EMX1: variants seen among roughly 807,000 people sequenced by gnomAD.
EMX1 encodes homeobox protein EMX1.
In EMX1, 10 loss-of-function variants were observed where a neutral mutation model predicts 20.1. The observed-to-expected ratio is 0.50, with a 90% confidence interval of 0.31 to 0.84. EMX1 has a LOEUF of 0.84. Ranked by LOEUF, EMX1 falls within the 40% of genes least tolerant of loss-of-function variation. EMX1 has a pLI of 0.05. For missense variants in EMX1, 424 were observed against 431.9 expected (o/e 0.98, Z 0.16); for synonymous variants, 250 against 200.4 (o/e 1.25, Z -2.09).
rs576764135 is a variant in EMX1, at chr2:72,924,586, C to G, written c.705+93C>G. On this transcript the variant is annotated intron_variant, in intron 2 of 2. Transcript: ENST00000258106. ...AGGAGAGGCCCTGAGCCCGCCCCAG[C>G]CCAGCCCTGCTGGGTTCCAAAAGGC... is the stretch of plus-strand genomic sequence containing the variant. The G allele has an allele frequency of 8.1e-5, 114 of 1,400,700 alleles. No homozygotes were observed. The African/African-American group carries it at 1.5e-3, about 18-fold the overall frequency. The allele number at this position is 1,400,700 out of a possible 1,614,324, so 86.8% of individuals were successfully genotyped here.
At position 72,930,342 on chromosome 2, in the gene EMX1, G is replaced by A. The variant is rs1559061484; in HGVS notation, c.706-3445G>A. Among the ~76,000 whole-genome samples, 1 of 152,236 alleles carries A rather than the reference G, an allele frequency of 6.6e-6. No individual in the cohort carries two copies. The highest frequency in any genetic ancestry group is 1.5e-5 in the Non-Finnish European group (1 of 68,048). Reference sequence around the variant, plus strand: ...AAGAGGTACTAAGGAACTACAGGCAGGTGATGGGGCAGGACCATTAAGGAA... The same window carrying A: ...AAGAGGTACTAAGGAACTACAGGCAAGTGATGGGGCAGGACCATTAAGGAA... On this transcript the variant is annotated intron_variant, in intron 2 of 2. Coordinates refer to ENST00000258106, the MANE Select transcript of EMX1 (RefSeq NM_004097.3). This position sits in a 1 kb window ranked among gnomAD's most constrained non-coding sequence, Gnocchi z 4.4.
At chr2:72,920,470 G>A in intron 1 of EMX1, among the ~76,000 whole-genome samples, 1 of 152,318 alleles carries the variant, frequency 6.6e-6, no homozygotes, top group South Asian at 2.1e-4. Flanking sequence ...CATCGTCGCC[G>A]CTGCAGACGG....
At chr2:72,933,651 C>T (rs1671318983) in intron 2 of EMX1, 136 bp from the exon 3 acceptor site, 1 of 1,169,474 alleles carries the variant, frequency 8.6e-7, no homozygotes, top group African/African-American at 1.6e-5. Flanking sequence ...AGAGGGGACC[C>T]CGGCCTGGGG....
rs1553501607 is a variant in EMX1, at chr2:72,924,500, A to G, written c.705+7A>G. On this transcript the variant is annotated splice_region_variant and intron_variant, in intron 2 of 2. Transcript: ENST00000258106. Reference sequence around the variant, plus strand: ...CAGCCTCTCCGAGACGCAGGTAATCACCCCCGGTCGCGGCCTGCCCTGCGC... The same window carrying G: ...CAGCCTCTCCGAGACGCAGGTAATCGCCCCCGGTCGCGGCCTGCCCTGCGC... 3 of 1,570,594 alleles carry G rather than the reference A, an allele frequency of 1.9e-6. No individual in the cohort carries two copies. In the South Asian group the frequency reaches 3.5e-5, roughly 18 times the overall value.
At chr2:72,920,000 G>A (rs1026805851) in intron 1 of EMX1, among the ~76,000 whole-genome samples, 1 of 152,194 alleles carries the variant, frequency 6.6e-6, no homozygotes, top group African/African-American at 2.4e-5. Context: ...CGGCCGAGGG[G>A]CTGGCGGGTT....
intron 1 of EMX1, chr2:72,924,015 C>A (rs1349261056): frequency 1.9e-6 from 1 of 528,548 alleles, no homozygotes; most frequent in Non-Finnish European, 3.3e-6. Context: ...GTCCACGCCT[C>A]GTCCGGCCTG....
intron 2 of EMX1, among the ~76,000 whole-genome samples, chr2:72,929,416 G>T (rs956026896): frequency 2.6e-5 from 4 of 152,204 alleles, no homozygotes; most frequent in African/African-American, 9.7e-5. Context: ...AGCTGGAGGT[G>T]ACCTCAGCTT....
At position 72,933,851 on chromosome 2, in the gene EMX1, C is replaced by A. The variant is rs762998327; in HGVS notation, c.770C>A (p.Pro257His). Residue 257 changes from proline (P) to histidine (H), a missense_variant, in exon 3 of 3, where the codon CCT (proline) becomes CAT (histidine). By Grantham distance (77) the Pro-to-His change is moderately conservative. Transcript: ENST00000258106. ...YKRQKLEEEG[P>H]ESEQKKKGSH... ...CGGCAGAAGCTGGAGGAGGAAGGGCCTGAGTCCGAGCAGAAGAAGAAGGGC... is the reference window on the plus strand; with the variant it reads ...CGGCAGAAGCTGGAGGAGGAAGGGCATGAGTCCGAGCAGAAGAAGAAGGGC... The A allele has an allele frequency of 6.2e-7, 1 of 1,614,250 alleles. No individual in the cohort carries two copies. The highest frequency in any genetic ancestry group is 1.1e-5 in the South Asian group (1 of 91,088).
At chr2:72,928,568 A>C (rs534054046) in intron 2 of EMX1, among the ~76,000 whole-genome samples, 147 of 152,292 alleles carry the variant, frequency 9.7e-4, no homozygotes, top group African/African-American at 3.4e-3. Flanking sequence ...CTCCAGGCTG[A>C]TCAACTGGTC....
chr2:72,925,382 A>C (rs749252803), intron 2 of EMX1: 17 of 1,236,316 alleles, frequency 1.4e-5, no homozygotes, highest in Middle Eastern at 2.2e-4. Context: ...TTGTAAGTAG[A>C]CTTTGCCATA....
chr2:72,925,722 G>A, intron 2 of EMX1: 2 of 985,464 alleles, frequency 2.0e-6, no homozygotes, highest in Non-Finnish European at 1.2e-6. Flanking sequence ...GGGGCTTAGT[G>A]AGGGAGCCCA....
chr2:72,916,581 C>T (rs781629898), upstream of EMX1: 19 of 624,116 alleles, frequency 3.0e-5, no homozygotes, highest in South Asian at 1.3e-4. Flanking sequence ...AAAAACTGGC[C>T]GGAGCAGAGT....
At chr2:72,917,284 G>C (rs1487043449), upstream of EMX1, among the ~76,000 whole-genome samples, 1 of 70,430 alleles carries the variant, frequency 1.4e-5, no homozygotes, top group African/African-American at 6.2e-5. Flanking sequence ...CGGCTCCCGC[G>C]TGGGTTGAGA....
chr2:72,921,383 C>T (rs966408332), intron 1 of EMX1, among the ~76,000 whole-genome samples: 2 of 152,164 alleles, frequency 1.3e-5, no homozygotes, highest in Non-Finnish European at 2.9e-5. Context: ...CCAAACAGGC[C>T]GCACCCTAGA....
At chr2:72,916,474 T>C (rs2105257850), upstream of EMX1, 1 of 586,600 alleles carries the variant, frequency 1.7e-6, no homozygotes, top group Middle Eastern at 4.6e-4. Context: ...AGCGGCGCCT[T>C]TCTGCGGCCT....
chr2:72,922,187 A>G (rs1049209800), intron 1 of EMX1, among the ~76,000 whole-genome samples: 1 of 152,242 alleles, frequency 6.6e-6, no homozygotes, highest in Non-Finnish European at 1.5e-5. Context: ...TCATTTGTCC[A>G]GAGGAAACCA....
chr2:72,922,165 TC>T (rs1423029241), intron 1 of EMX1, among the ~76,000 whole-genome samples: 1 of 152,202 alleles, frequency 6.6e-6, no homozygotes, highest in Non-Finnish European at 1.5e-5. Context: ...GCTTTCTCTC[TC>T]CCTCTCTGGT....
intron 2 of EMX1, among the ~76,000 whole-genome samples, chr2:72,931,298 C>T (rs555485845): frequency 1.9e-4 from 29 of 152,262 alleles, no homozygotes; most frequent in Non-Finnish European, 3.5e-4. Flanking sequence ...CGTCCCACTA[C>T]AGGCCAATGT....
rs189079295 is a variant in EMX1 at position 72,925,307 on chromosome 2, T to C, written c.705+814T>C. The C allele has an allele frequency of 2.6e-5, 27 of 1,050,856 alleles. No homozygotes were observed. The South Asian group carries it at 4.0e-4, about 16-fold the overall frequency. The allele number at this position is 1,050,856 out of a possible 1,614,324, so 65.1% of individuals were successfully genotyped here. Reference sequence around the variant, plus strand: ...TACCGTGTAGTGTTTTTGTAACTGATCGTTAATTTAAGGGAAAAAATTAAA... The same window carrying C: ...TACCGTGTAGTGTTTTTGTAACTGACCGTTAATTTAAGGGAAAAAATTAAA... On this transcript the variant is annotated intron_variant, in intron 2 of 2. Transcript: ENST00000258106.
Sources: gnomAD v4.1 joint callset for allele counts (sites outside exome capture counted in the v4.1 genomes callset) on GRCh38, gnomAD v4.1.1 for gene constraint, Gnocchi (gnomAD v3.1) non-coding constraint, MANE v1.5 for transcripts, NCBI Gene and HGNC (gene_info 2026-07-23, HGNC 2026-07-21) for gene names.